Variants in NRXN3 observed in about 807,000 individuals in gnomAD.
The protein encoded by NRXN3 is neurexin 3, also known as neurexin III.
NRXN3 carries 32 observed loss-of-function variants against 137.6 expected under a neutral mutation model. The ratio of observed to expected loss-of-function variants is 0.23; its 90% CI spans 0.18 to 0.31. The LOEUF is 0.31. NRXN3 is among the 10% of genes least tolerant of loss of function. The pLI is 1.00. For synonymous variants in NRXN3, 798 were observed against 784.5 expected (o/e 1.02, Z -0.29); for missense variants, 1,574 against 2,062.5 (o/e 0.76, Z 4.59).
At chr14:79,140,498 CTGAGTA>C (rs1347154733) in intron 15 of NRXN3, among the ~76,000 whole-genome samples, 2 of 151,740 alleles carry the variant, frequency 1.3e-5, no homozygotes, top group African/African-American at 4.8e-5. Flanking sequence ...ATTATACCTC[CTGAGTA>C]TAAGTGGATA....
chr14:78,496,476 T>C (rs2095787745), intron 4 of NRXN3, among the ~76,000 whole-genome samples: 1 of 152,170 alleles, frequency 6.6e-6, no homozygotes, highest in Non-Finnish European at 1.5e-5. Context: ...ATGTAAACCG[T>C]GTTCATTTAT....
intron 10 of NRXN3, among the ~76,000 whole-genome samples, chr14:78,870,875 T>C (rs919600385): frequency 6.6e-6 from 1 of 151,892 alleles, no homozygotes; most frequent in Non-Finnish European, 1.5e-5. Context: ...CCATCTACGT[T>C]GTTCCAAATG....
At chr14:78,899,646 T>C (rs1363640518) in intron 10 of NRXN3, among the ~76,000 whole-genome samples, 8 of 151,998 alleles carry the variant, frequency 5.3e-5, no homozygotes, top group Admixed American at 5.2e-4. Context: ...AAATGCAAAA[T>C]GTTCACATTC....
chr14:78,243,565 C>T lies in NRXN3; in HGVS notation c.472C>T (p.Pro158Ser). Residue 158 changes from proline to serine, a missense_variant, in exon 2 of 21, where the codon CCT becomes TCT. Transcript: ENST00000335750. The surrounding 1 kb of genome is among the most constrained non-coding windows in gnomAD (Gnocchi z 4.2). ...FLGGVPTDIRPSALTLDGVQA... is the reference protein window; with the variant it reads ...FLGGVPTDIRSSALTLDGVQA... ...TGGTGGAGTCCCTACTGACATACGA[C>T]CTTCTGCCCTGACCCTTGATGGAGT... 1 of 1,598,368 alleles carries T rather than the reference C, an allele frequency of 6.3e-7. No homozygotes were observed. The highest frequency in any genetic ancestry group is 1.1e-5 in the South Asian group (1 of 91,074).
chr14:78,484,063 G>C (rs2153743256), intron 4 of NRXN3, among the ~76,000 whole-genome samples: 1 of 148,190 alleles, frequency 6.7e-6, no homozygotes, highest in Admixed American at 6.8e-5. Context: ...AAAAAGAATA[G>C]CCATCATAAA....
chr14:79,521,475 CTT>C (rs1272629292), intron 16 of NRXN3, among the ~76,000 whole-genome samples: 1 of 152,050 alleles, frequency 6.6e-6, no homozygotes, highest in Non-Finnish European at 1.5e-5. Flanking sequence ...ATATTATTTG[CTT>C]TTTGACCTAT....
chr14:78,822,876 A>G (rs991494474), intron 10 of NRXN3, among the ~76,000 whole-genome samples: 2 of 152,146 alleles, frequency 1.3e-5, no homozygotes, highest in Admixed American at 6.5e-5. Context: ...AATGAAATCT[A>G]TCACTCTAGA....
intron 4 of NRXN3, among the ~76,000 whole-genome samples, chr14:78,333,823 A>T (rs569562231): frequency 6.6e-6 from 1 of 152,024 alleles, no homozygotes; most frequent in Non-Finnish European, 1.5e-5. Context: ...CTGTGTAGAG[A>T]ATCTCTCTTG....
intron 4 of NRXN3, among the ~76,000 whole-genome samples, chr14:78,438,259 C>A (rs946954076): frequency 6.6e-6 from 1 of 152,158 alleles, no homozygotes; most frequent in African/African-American, 2.4e-5. Context: ...TTGAGGACTT[C>A]TTTGGACATC....
chr14:79,252,643 G>A (rs1299479607), intron 15 of NRXN3, among the ~76,000 whole-genome samples: 1 of 152,146 alleles, frequency 6.6e-6, no homozygotes, highest in Non-Finnish European at 1.5e-5. Context: ...GAATTAACAG[G>A]ATTTCAGAGG....
chr14:79,539,195 A>ATT lies in NRXN3; in HGVS notation c.3444+71802_3444+71803dup, dbSNP rs138981401. On this transcript the variant is annotated intron_variant, in intron 16 of 20. Coordinates refer to ENST00000335750, the MANE Select transcript of NRXN3 (RefSeq NM_001330195.2). The stretch of plus-strand genomic sequence containing the variant: ...AGGCATGCACCACCACACCTGGCTA[A>ATT]TTTTTTTTTTGTATTTTTAGCAGAG... Among the ~76,000 whole-genome samples the ATT allele has an allele frequency of 9.7e-3, 1,455 of 149,682 alleles. 59 individuals carry two copies. In the East Asian group the frequency reaches 0.12, roughly 13 times the overall value.
chr14:79,228,231 T>G (rs2071435136), intron 15 of NRXN3, among the ~76,000 whole-genome samples: 2 of 152,118 alleles, frequency 1.3e-5, no homozygotes, highest in Non-Finnish European at 2.9e-5. Context: ...GCTTATCCCT[T>G]TAGGCACTCT....
intron 20 of NRXN3, among the ~76,000 whole-genome samples, chr14:79,854,758 T>TA (rs2099399037): frequency 6.6e-6 from 1 of 152,160 alleles, no homozygotes; most frequent in Admixed American, 6.5e-5. Flanking sequence ...TAAAATTCCT[T>TA]AAAAAGCATT....
chr14:79,861,059 C>A lies in NRXN3; in HGVS notation c.4094-283C>A. The stretch of plus-strand genomic sequence containing the variant: ...CCCAGGAGGTGAATTAGTTATCCCT[C>A]TTCTTGTAGAAGACCCTTTAGCTAC... On this transcript the variant is annotated intron_variant, in intron 20 of 20. Coordinates refer to ENST00000335750, the MANE Select transcript of NRXN3 (RefSeq NM_001330195.2). The surrounding 1 kb of genome is among the most constrained non-coding windows in gnomAD (Gnocchi z 5.4). 5 of 1,416,230 alleles carry A rather than the reference C, an allele frequency of 3.5e-6. No homozygotes were observed. Among genetic ancestry groups the A allele is most frequent in the Non-Finnish European group, 4.6e-6 (5 of 1,087,552 alleles). 87.7% of individuals were successfully genotyped at this position (1,416,230 alleles called of 1,614,324 possible). A position where few individuals can be genotyped will look rare whatever the true frequency, so the allele number is the denominator to read the frequency against.
chr14:78,529,987 TAATA>T, intron 4 of NRXN3, among the ~76,000 whole-genome samples: 1 of 152,352 alleles, frequency 6.6e-6, no homozygotes, highest in Middle Eastern at 3.4e-3. Flanking sequence ...CTTGTTGAAT[TAATA>T]AATATTTATA....
chr14:78,678,796 T>G (rs2098039808), intron 6 of NRXN3, among the ~76,000 whole-genome samples: 2 of 152,186 alleles, frequency 1.3e-5, no homozygotes, highest in Non-Finnish European at 2.9e-5. Flanking sequence ...GTGCATATAT[T>G]GCACATTACC....
intron 4 of NRXN3, among the ~76,000 whole-genome samples, chr14:78,372,136 C>G (rs1217620963): frequency 6.7e-6 from 1 of 150,118 alleles, no homozygotes; most frequent in Non-Finnish European, 1.5e-5. Flanking sequence ...AGGATATCCA[C>G]ATTTTATTGT....
chr14:78,575,392 C>T (rs1447736431), intron 4 of NRXN3, among the ~76,000 whole-genome samples: 1 of 152,062 alleles, frequency 6.6e-6, no homozygotes, highest in Non-Finnish European at 1.5e-5. Flanking sequence ...CTGAATGATG[C>T]AGCTTTTTGA....
chr14:79,322,815 A>T (rs2090251508), intron 15 of NRXN3, among the ~76,000 whole-genome samples: 1 of 152,224 alleles, frequency 6.6e-6, no homozygotes, highest in Non-Finnish European at 1.5e-5. Context: ...ATTTCATTGT[A>T]CTTAGTGCTA....
Sources: gnomAD v4.1 joint callset for allele counts (sites outside exome capture counted in the v4.1 genomes callset) on GRCh38, gnomAD v4.1.1 for gene constraint, Gnocchi (gnomAD v3.1) non-coding constraint, MANE v1.5 for transcripts, NCBI Gene and HGNC (gene_info 2026-07-23, HGNC 2026-07-21) for gene names.